ADIPOR2: variants seen among roughly 807,000 people sequenced by gnomAD.
ADIPOR2 encodes the protein adiponectin receptor 2.
Under a neutral mutation model 40.9 loss-of-function variants are expected in ADIPOR2, and 18 were observed. The observed-to-expected ratio is 0.44, with a 90% CI of 0.30 to 0.65. ADIPOR2 has a LOEUF of 0.65. ADIPOR2 is among the 30% of genes least tolerant of loss of function. The pLI is 0.09. For synonymous variants in ADIPOR2, 165 were observed against 166.4 expected (o/e 0.99, Z 0.06); for missense variants, 283 against 479.2 (o/e 0.59, Z 3.82).
chr12:1,701,611 T>A (rs1420680475), intron 1 of ADIPOR2, among the ~76,000 whole-genome samples: 2 of 152,188 alleles, frequency 1.3e-5, no homozygotes, highest in Non-Finnish European at 2.9e-5. Flanking sequence ...CCTACAAAAA[T>A]GACAGTTTCA....
intron 1 of ADIPOR2, among the ~76,000 whole-genome samples, chr12:1,705,554 A>G (rs1486109433): frequency 1.3e-5 from 2 of 152,312 alleles, no homozygotes; most frequent in Admixed American, 1.3e-4. Context: ...AAACAAATAT[A>G]TTTTGTGTTT....
chr12:1,752,057 G>A (rs1298261698), intron 1 of ADIPOR2, among the ~76,000 whole-genome samples: 4 of 151,014 alleles, frequency 2.6e-5, no homozygotes, highest in Non-Finnish European at 1.5e-5. Context: ...ACAGGCATGC[G>A]CCACCACACC....
At chr12:1,763,232 C>T (rs1862305978) in intron 2 of ADIPOR2, among the ~76,000 whole-genome samples, 1 of 152,120 alleles carries the variant, frequency 6.6e-6, no homozygotes. Flanking sequence ...TCACAAGTTC[C>T]CCTATGTGAT....
At chr12:1,775,402 A>G (rs189836091) in intron 3 of ADIPOR2, among the ~76,000 whole-genome samples, 15 of 152,350 alleles carry the variant, frequency 9.8e-5, no homozygotes, top group Middle Eastern at 3.4e-3. Context: ...CAGTGTAATT[A>G]AGAAAGTATA....
chr12:1,783,207 C>T (rs541297642), intron 6 of ADIPOR2, among the ~76,000 whole-genome samples: 2 of 151,798 alleles, frequency 1.3e-5, no homozygotes, highest in African/African-American at 4.8e-5. Flanking sequence ...CCCAACAACG[C>T]CTGCTGCTTC....
chr12:1,739,658 CT>C (rs1409328768), intron 1 of ADIPOR2, among the ~76,000 whole-genome samples: 1 of 152,116 alleles, frequency 6.6e-6, no homozygotes, highest in East Asian at 1.9e-4. Context: ...TAGGAGAGAC[CT>C]TTTGTGGCCC....
intron 1 of ADIPOR2, among the ~76,000 whole-genome samples, chr12:1,717,710 A>G (rs75575826): frequency 7.4e-6 from 1 of 135,954 alleles, no homozygotes; most frequent in African/African-American, 2.7e-5. Context: ...CATCTTAAGG[A>G]AAAAAAAAAA....
chr12:1,727,948 TCATTG>T (rs1167156785), intron 1 of ADIPOR2, among the ~76,000 whole-genome samples: 1 of 152,002 alleles, frequency 6.6e-6, no homozygotes, highest in Non-Finnish European at 1.5e-5. Flanking sequence ...CTTTCTTTCC[TCATTG>T]TCACTTCCCA....
intron 1 of ADIPOR2, among the ~76,000 whole-genome samples, chr12:1,714,922 C>G (rs2094684648): frequency 6.6e-6 from 1 of 152,102 alleles, no homozygotes; most frequent in African/African-American, 2.4e-5. Flanking sequence ...TTCCCCAGGT[C>G]TACTGTCATC....
At chr12:1,777,511 C>T (rs377071610) in intron 3 of ADIPOR2, among the ~76,000 whole-genome samples, 21 of 151,576 alleles carry the variant, frequency 1.4e-4, no homozygotes, top group African/African-American at 4.6e-4. Context: ...CTCAGCCTCC[C>T]GAGTAGGTGG....
chr12:1,780,129 C>T (rs1862685292), intron 4 of ADIPOR2: 1 of 199,448 alleles, frequency 5.0e-6, no homozygotes, highest in South Asian at 1.7e-4. Flanking sequence ...ATAAATGAAA[C>T]TATTCTACAT....
intron 1 of ADIPOR2, among the ~76,000 whole-genome samples, chr12:1,749,713 T>A (rs1343887745): frequency 6.6e-6 from 1 of 152,196 alleles, no homozygotes; most frequent in Non-Finnish European, 1.5e-5. Flanking sequence ...TCTACAGAAA[T>A]CCTTGCTGGG....
At chr12:1,775,681 G>A (rs1433231064) in intron 3 of ADIPOR2, among the ~76,000 whole-genome samples, 1 of 152,174 alleles carries the variant, frequency 6.6e-6, no homozygotes, top group Non-Finnish European at 1.5e-5. Context: ...TTCCCCCAAA[G>A]TAAGGTAATA....
At chr12:1,702,291 T>G (rs2094651962) in intron 1 of ADIPOR2, among the ~76,000 whole-genome samples, 1 of 152,226 alleles carries the variant, frequency 6.6e-6, no homozygotes, top group Admixed American at 6.5e-5. Context: ...AAGTTTGAAA[T>G]GAAGCCCTCT....
intron 1 of ADIPOR2, among the ~76,000 whole-genome samples, chr12:1,721,161 G>A (rs1383325918): frequency 6.6e-6 from 1 of 151,224 alleles, no homozygotes; most frequent in Non-Finnish European, 1.5e-5. Context: ...ACTTCCTGAG[G>A]CTGTGTCATG....
intron 1 of ADIPOR2, among the ~76,000 whole-genome samples, chr12:1,691,661 G>A (rs186625838): frequency 1.3e-5 from 2 of 152,216 alleles, no homozygotes; most frequent in African/African-American, 4.8e-5. Flanking sequence ...AGTGACTGGG[G>A]TGGGGAAGAG....
intron 3 of ADIPOR2, among the ~76,000 whole-genome samples, chr12:1,777,295 TGAAACCAC>T (rs1310738490): frequency 6.6e-6 from 1 of 152,144 alleles, no homozygotes; most frequent in African/African-American, 2.4e-5. Context: ...AAACAAAGTT[TGAAACCAC>T]TCTTTTAGGG....
At chr12:1,721,430 G>A (rs984341875) in intron 1 of ADIPOR2, among the ~76,000 whole-genome samples, 4 of 152,000 alleles carry the variant, frequency 2.6e-5, no homozygotes, top group Non-Finnish European at 5.9e-5. Flanking sequence ...TGGCCAGGCT[G>A]GTCTTGAATT....
chr12:1,742,531 AG>A (rs1334067627), intron 1 of ADIPOR2, among the ~76,000 whole-genome samples: 1 of 152,246 alleles, frequency 6.6e-6, no homozygotes, highest in Non-Finnish European at 1.5e-5. Context: ...AGTAGAATAC[AG>A]TCATCCTTTG....
Sources: allele counts gnomAD v4.1 joint callset (sites outside exome capture counted in the v4.1 genomes callset), GRCh38; gene constraint gnomAD v4.1.1; transcripts MANE v1.5; gene names NCBI Gene and HGNC (gene_info 2026-07-23, HGNC 2026-07-21).